The following PDCD6 variants were observed in gnomAD, a reference collection of about 807,000 sequenced individuals.
The protein encoded by PDCD6 is programmed cell death 6.
A neutral mutation model predicts 28.3 loss-of-function variants in PDCD6; 12 were observed. That is an observed-to-expected ratio of 0.42 (90% confidence interval 0.27 to 0.69). The LOEUF (loss-of-function observed/expected upper bound fraction) is 0.69, where lower values mean the gene tolerates loss of function less well. Ranked by LOEUF, PDCD6 falls within the 30% of genes least tolerant of loss-of-function variation. The probability of loss-of-function intolerance (pLI) is 0.22; values close to 1 mark genes in which losing one functional copy is unlikely to be tolerated. For missense variants in PDCD6, 226 were observed against 269.9 expected (o/e 0.84, Z 1.14); for synonymous variants, 92 against 108.0 (o/e 0.85, Z 0.92).
intron 2 of PDCD6, among the ~76,000 whole-genome samples, chr5:282,684 T>C (rs1738657146): frequency 6.6e-6 from 1 of 151,112 alleles, no homozygotes; most frequent in East Asian, 2.0e-4. Context: ...GCATTGAGTC[T>C]TTCAGTTGGA....
chr5:282,042 A>G (rs1455544330), intron 2 of PDCD6, among the ~76,000 whole-genome samples: 3 of 150,698 alleles, frequency 2.0e-5, no homozygotes, highest in African/African-American at 7.4e-5. Context: ...AGATACAGAT[A>G]GGAGCTGATG....
At chr5:286,252 A>G (rs1738954950) in intron 2 of PDCD6, among the ~76,000 whole-genome samples, 1 of 144,216 alleles carries the variant, frequency 6.9e-6, no homozygotes, top group Non-Finnish European at 1.5e-5. Context: ...CTGATGTTCT[A>G]GTTTGAGGAC....
At position 289,553 on chromosome 5, in the gene PDCD6, C is replaced by T. The variant is rs1739190337; in HGVS notation, c.164-14624C>T. On this transcript the variant is annotated intron_variant, in intron 2 of 5. Transcript: ENST00000264933. ...CTGCAAGTCGCTTGAATGGCTGTTT[C>T]TCTGACTTCGCCTTTTTTGTCAAAC... The T allele has an allele frequency of 3.9e-6, 3 of 778,892 alleles. No homozygotes were observed. The South Asian group carries it at 4.3e-5, about 11-fold the overall frequency. The allele number at this position is 778,892 out of a possible 1,614,324, so 48.2% of individuals were successfully genotyped here. A position where few individuals can be genotyped will look rare whatever the true frequency, so the allele number is the denominator to read the frequency against.
chr5:292,740 G>A (rs1739387588), intron 2 of PDCD6, among the ~76,000 whole-genome samples: 2 of 152,322 alleles, frequency 1.3e-5, no homozygotes, highest in African/African-American at 4.8e-5. Flanking sequence ...GTCAGGCAGG[G>A]GTGGCAGGCT....
Position 272,330 on chromosome 5 carries a change from C to T in PDCD6, c.102-381C>T, listed in dbSNP as rs181619556. Among the ~76,000 whole-genome samples, 1,143 of 145,596 alleles carry T rather than the reference C, an allele frequency of 7.9e-3. 15 individuals are homozygous for T. The highest frequency in any genetic ancestry group is 0.027 in the African/African-American group (995 of 37,138). On this transcript the variant is annotated intron_variant, in intron 1 of 5. Coordinates refer to ENST00000264933, the MANE Select transcript of PDCD6 (RefSeq NM_013232.4). ...TGCTCGGGCCAGGTGACCTTTATGG[C>T]GGCGCCTTCTGTCCCTGGTCGCTTT...
Position 314,411 on chromosome 5 carries a change from C to T in PDCD6, c.478-6C>T, listed in dbSNP as rs1741136611. The T allele has an allele frequency of 1.2e-6, 2 of 1,606,270 alleles. No homozygotes were observed. The highest frequency in any genetic ancestry group is 1.1e-5 in the South Asian group (1 of 90,974). On this transcript the variant is annotated splice_region_variant and splice_polypyrimidine_tract_variant and intron_variant, in intron 5 of 5. Coordinates refer to ENST00000264933, the MANE Select transcript of PDCD6 (RefSeq NM_013232.4). ...ATCGAGATTTAAATGCCTGTTTTCT[C>T]CCCAGAGGTTGACGGATATATTCAG... is the stretch of plus-strand genomic sequence containing the variant.
At chr5:280,435 C>T (rs1211190930) in intron 2 of PDCD6, among the ~76,000 whole-genome samples, 11 of 145,312 alleles carry the variant, frequency 7.6e-5, no homozygotes, top group South Asian at 2.2e-4. Flanking sequence ...CTGTGCCGGG[C>T]ACTGTGGGCT....
intron 2 of PDCD6, among the ~76,000 whole-genome samples, chr5:288,576 A>G (rs1739127316): frequency 6.7e-6 from 1 of 150,338 alleles, no homozygotes; most frequent in African/African-American, 2.5e-5. Context: ...AAAAAAATCT[A>G]TACACAAACC....
chr5:285,819 T>C (rs544736544), intron 2 of PDCD6, among the ~76,000 whole-genome samples: 1 of 151,712 alleles, frequency 6.6e-6, no homozygotes, highest in African/African-American at 2.4e-5. Context: ...GATGTTCCAG[T>C]TTGAGGGCCC....
Position 314,493 on chromosome 5 carries a change from C to T in PDCD6, c.554C>T (p.Ser185Phe). The T allele has an allele frequency of 6.2e-7, 1 of 1,613,206 alleles. No homozygotes were observed. Among genetic ancestry groups the T allele is most frequent in the African/African-American group, 1.3e-5 (1 of 75,046 alleles). Residue 185 changes from serine (S) to phenylalanine (F), a missense_variant, in exon 6 of 6, where the codon TCC (serine) becomes TTC (phenylalanine). By Grantham distance (155) the Ser-to-Phe change is radical. Transcript: ENST00000264933. ...WIQVSYEQYL[S>F]MVFSIV ...CAGGTGTCGTACGAACAGTACCTGT[C>T]CATGGTCTTCAGTATCGTATGACCC...
chr5:308,705 T>C (rs1300778419), intron 4 of PDCD6: 3 of 152,178 alleles, frequency 2.0e-5, no homozygotes, highest in Admixed American at 2.0e-4. Flanking sequence ...TGCTCTCAGA[T>C]GAAGCAGGGA....
At position 302,663 on chromosome 5, in the gene PDCD6, A is replaced by G. The variant is rs200893727; in HGVS notation, c.164-1514A>G. On this transcript the variant is annotated intron_variant, in intron 2 of 5. Coordinates refer to ENST00000264933, the MANE Select transcript of PDCD6 (RefSeq NM_013232.4). ...TGTGGGAAGAGCACAGCTTCCCCGC[A>G]TAACTGCTGGAGGGTGGGTCATCGA... is the stretch of plus-strand genomic sequence containing the variant. Among the ~76,000 whole-genome samples, 16 of 144,976 alleles carry G rather than the reference A, an allele frequency of 1.1e-4. 1 individual carries two copies. The East Asian group carries it at 3.4e-3, about 31-fold the overall frequency.
At position 307,337 on chromosome 5, in the gene PDCD6, CGT is replaced by C. The variant is rs1377301691; in HGVS notation, c.367+585_367+586del. Among the ~76,000 whole-genome samples the C allele has an allele frequency of 9.6e-5, 11 of 114,978 alleles. No homozygotes were observed. The highest frequency in any genetic ancestry group is 3.9e-3 in the Middle Eastern group (1 of 254). 75.4% of individuals were successfully genotyped at this position (114,978 alleles called of 152,430 possible). The stretch of plus-strand genomic sequence containing the variant: ...CGTGCCCATTCTCAGGTGTGCTCGG[CGT>C]GTGTGTGCTCGGCGTGTGTGTGCAC... On this transcript the variant is annotated intron_variant, in intron 4 of 5. Transcript: ENST00000264933. The surrounding 1 kb of genome is among the most constrained non-coding windows in gnomAD (Gnocchi z 6.1).
At chr5:294,472 G>A (rs1464336537) in intron 2 of PDCD6, among the ~76,000 whole-genome samples, 1 of 152,220 alleles carries the variant, frequency 6.6e-6, no homozygotes, top group Non-Finnish European at 1.5e-5. Flanking sequence ...TAGAGATGCT[G>A]GAGAAATGCC....
chr5:290,307 A>T, intron 2 of PDCD6: 1 of 1,327,208 alleles, frequency 7.5e-7, no homozygotes, highest in Non-Finnish European at 1.1e-6. Context: ...CCTCCTGGAG[A>T]CTCTCAACGT....
At chr5:290,417 C>T (rs1377125743) in intron 2 of PDCD6, 23 of 703,408 alleles carry the variant, frequency 3.3e-5, no homozygotes, top group African/African-American at 1.4e-4. Context: ...CCCACTCCCT[C>T]GCACACACTC....
rs188586953 is a variant in PDCD6, at chr5:294,319, C to T, written c.164-9858C>T. 2.4e-3 allele frequency among the ~76,000 whole-genome samples: 354 copies of T among 146,992 alleles called. 3 individuals are homozygous for T. The highest frequency in any genetic ancestry group is 3.8e-3 in the Non-Finnish European group (259 of 67,752). The stretch of plus-strand genomic sequence containing the variant: ...TCACACGTCTCACAACGTACTGGCA[C>T]GCAGGATATGTGAAGAACCATCAAA... On this transcript the variant is annotated intron_variant, in intron 2 of 5. Coordinates refer to ENST00000264933, the MANE Select transcript of PDCD6 (RefSeq NM_013232.4).
chr5:272,628 C>T (rs1231831410), intron 1 of PDCD6, 83 bp from the exon 2 acceptor site: 2 of 1,484,226 alleles, frequency 1.3e-6, no homozygotes, highest in East Asian at 4.6e-5. Context: ...CTTCCAGAGT[C>T]GGTGCAGGGT....
At chr5:272,101 G>A (rs1311949072) in intron 1 of PDCD6, among the ~76,000 whole-genome samples, 2 of 142,882 alleles carry the variant, frequency 1.4e-5, no homozygotes, top group Non-Finnish European at 3.0e-5. Flanking sequence ...TCCCTGTCCT[G>A]TGCGTCGGGC....
Sources: allele counts gnomAD v4.1 joint callset (sites outside exome capture counted in the v4.1 genomes callset), GRCh38; gene constraint gnomAD v4.1.1; non-coding constraint Gnocchi (gnomAD v3.1); transcripts MANE v1.5; gene names NCBI Gene and HGNC (gene_info 2026-07-23, HGNC 2026-07-21).